The following CDH13 variants were observed in gnomAD, a reference collection of about 807,000 sequenced individuals.
CDH13 encodes the protein cadherin-13.
Under a neutral mutation model 63.8 loss-of-function variants are expected in CDH13, and 24 were observed. The ratio of observed to expected loss-of-function variants is 0.38; its 90% CI spans 0.27 to 0.53. CDH13 has a LOEUF of 0.53. CDH13 is among the 20% of genes least tolerant of loss of function. The probability of loss-of-function intolerance (pLI) is 0.85; values close to 1 mark genes in which losing one functional copy is unlikely to be tolerated. For synonymous variants in CDH13, 503 were observed against 355.3 expected, an observed-to-expected ratio of 1.42 and a Z score of -4.67; for missense variants, 1,049 against 903.1, an observed-to-expected ratio of 1.16 and a Z score of -2.07.
chr16:82,949,637 T>C (rs893682592), intron 2 of CDH13, among the ~76,000 whole-genome samples: 3 of 152,152 alleles, frequency 2.0e-5, no homozygotes, highest in African/African-American at 7.2e-5. Flanking sequence ...TTTAAGAGCT[T>C]CTTTGTTTTC....
chr16:83,776,638 T>A (rs961560999), intron 11 of CDH13, among the ~76,000 whole-genome samples: 2 of 152,168 alleles, frequency 1.3e-5, no homozygotes, highest in African/African-American at 2.4e-5. Context: ...TTTAAGCTGG[T>A]TTTTTCCCCG....
intron 7 of CDH13, among the ~76,000 whole-genome samples, chr16:83,496,892 C>CA (rs983359841): frequency 6.6e-6 from 1 of 152,014 alleles, no homozygotes; most frequent in African/African-American, 2.4e-5. Context: ...TTTATGCAGC[C>CA]AAAAAACACA....
chr16:83,071,903 A>G (rs981877287), intron 3 of CDH13, among the ~76,000 whole-genome samples: 6 of 152,204 alleles, frequency 3.9e-5, no homozygotes, highest in African/African-American at 7.2e-5. Flanking sequence ...AATTGATTCT[A>G]TGCTCCATCA....
At chr16:83,644,875 A>G (rs1409802979) in intron 8 of CDH13, among the ~76,000 whole-genome samples, 1 of 152,228 alleles carries the variant, frequency 6.6e-6, no homozygotes, top group East Asian at 1.9e-4. Context: ...GCAAGGCAGG[A>G]GCAGATATGA....
intron 7 of CDH13, among the ~76,000 whole-genome samples, chr16:83,517,113 G>C (rs1567729884): frequency 6.6e-6 from 1 of 152,186 alleles, no homozygotes; most frequent in Admixed American, 6.5e-5. Context: ...ATCTCTTGCT[G>C]ATCCCAGAGA....
chr16:82,960,634 C>A (rs1906827467), intron 2 of CDH13, among the ~76,000 whole-genome samples: 1 of 152,150 alleles, frequency 6.6e-6, no homozygotes, highest in African/African-American at 2.4e-5. Context: ...CCTTCAGTTT[C>A]CATTTCGGTA....
intron 2 of CDH13, among the ~76,000 whole-genome samples, chr16:83,016,095 A>C (rs1160968184): frequency 6.6e-6 from 1 of 152,122 alleles, no homozygotes; most frequent in African/African-American, 2.4e-5. Flanking sequence ...ATGAGACTGG[A>C]GCTAGAGATG....
intron 2 of CDH13, among the ~76,000 whole-genome samples, chr16:83,002,624 G>A (rs1913058807): frequency 3.9e-5 from 6 of 152,240 alleles, no homozygotes; most frequent in Admixed American, 3.9e-4. Flanking sequence ...TGTATTCAAT[G>A]TTGGGTTGTG....
chr16:82,900,412 C>G (rs1264052062), intron 2 of CDH13, among the ~76,000 whole-genome samples: 2 of 112,878 alleles, frequency 1.8e-5, no homozygotes, highest in East Asian at 5.2e-4. Context: ...CCAAGTGTGG[C>G]CTGGTTCAAG....
At chr16:83,318,616 T>C (rs2090155842) in intron 5 of CDH13, among the ~76,000 whole-genome samples, 2 of 152,204 alleles carry the variant, frequency 1.3e-5, no homozygotes, top group South Asian at 2.1e-4. Flanking sequence ...GATGCCTACT[T>C]AGTGGCAGTT....
At chr16:83,767,347 G>A (rs1294499341) in intron 11 of CDH13, among the ~76,000 whole-genome samples, 1 of 152,154 alleles carries the variant, frequency 6.6e-6, no homozygotes, top group African/African-American at 2.4e-5. Flanking sequence ...TGTTCTTATG[G>A]TAGCGAATAA....
chr16:83,659,415 T>C (rs751534421), intron 8 of CDH13, among the ~76,000 whole-genome samples: 5 of 152,258 alleles, frequency 3.3e-5, no homozygotes, highest in Non-Finnish European at 7.3e-5. Context: ...TCCCATGTCC[T>C]CACCAGCAAG....
chr16:82,785,186 T>C (rs895916974), intron 1 of CDH13, among the ~76,000 whole-genome samples: 1 of 151,868 alleles, frequency 6.6e-6, no homozygotes, highest in African/African-American at 2.4e-5. Flanking sequence ...ATAAGATAGA[T>C]TGTTGAAATA....
intron 2 of CDH13, among the ~76,000 whole-genome samples, chr16:83,000,854 C>G (rs570494318): frequency 6.6e-6 from 1 of 152,160 alleles, no homozygotes; most frequent in Non-Finnish European, 1.5e-5. Flanking sequence ...TCTGGGATTA[C>G]CGGCGTGAGC....
intron 3 of CDH13, among the ~76,000 whole-genome samples, chr16:83,091,666 A>G (rs1361222483): frequency 6.6e-6 from 1 of 152,216 alleles, no homozygotes; most frequent in African/African-American, 2.4e-5. Context: ...TTTTATAAAC[A>G]TACCTCATCA....
At chr16:82,747,556 T>G (rs556052941) in intron 1 of CDH13, among the ~76,000 whole-genome samples, 14 of 151,986 alleles carry the variant, frequency 9.2e-5, no homozygotes, top group African/African-American at 3.1e-4. Context: ...CTTGGGTCCT[T>G]CCTCAGGTCC....
intron 7 of CDH13, among the ~76,000 whole-genome samples, chr16:83,552,180 G>A (rs1007586264): frequency 2.0e-5 from 3 of 152,184 alleles, no homozygotes; most frequent in African/African-American, 4.8e-5. Flanking sequence ...AGGTACATGA[G>A]CATCAGGGTG....
At chr16:83,791,811 C>CAA (rs10548547) in intron 13 of CDH13, among the ~76,000 whole-genome samples, 10 of 94,852 alleles carry the variant, frequency 1.1e-4, no homozygotes, top group Non-Finnish European at 1.5e-4. Context: ...ACTTTGTCTC[C>CAA]AAAAAAAAAA....
intron 1 of CDH13, among the ~76,000 whole-genome samples, chr16:82,669,926 C>A (rs1164332291): frequency 6.6e-6 from 1 of 152,172 alleles, no homozygotes; most frequent in Non-Finnish European, 1.5e-5. Flanking sequence ...GTCTGTTTTC[C>A]CAGTACAGAG....
Sources: allele counts gnomAD v4.1 joint callset (sites outside exome capture counted in the v4.1 genomes callset), GRCh38; gene constraint gnomAD v4.1.1; transcripts MANE v1.5; gene names NCBI Gene and HGNC (gene_info 2026-07-23, HGNC 2026-07-21).